GGA3: variants seen among roughly 807,000 people sequenced by gnomAD.
GGA3 encodes ADP-ribosylation factor-binding protein GGA3.
A neutral mutation model predicts 77.5 loss-of-function variants in GGA3; 57 were observed. That is an observed-to-expected ratio of 0.74 (90% CI 0.59 to 0.92). The LOEUF (loss-of-function observed/expected upper bound fraction) is 0.92, where lower values mean the gene tolerates loss of function less well. Among genes scored for constraint, GGA3 ranks in the 40% least tolerant of loss-of-function variants. The pLI, the probability that GGA3 is intolerant of heterozygous loss-of-function variation, is 0.00. For synonymous variants in GGA3, 416 were observed against 383.7 expected (o/e 1.08, Z -0.98); for missense variants, 970 against 914.9 (o/e 1.06, Z -0.78).
chr17:75,239,688 T>C, intron 13 of GGA3, 101 bp downstream of exon 13: 12 of 1,464,942 alleles, frequency 8.2e-6, no homozygotes, highest in Non-Finnish European at 1.1e-5. Context: ...CCAGCCTGAC[T>C]GATGGGACTA....
intron 2 of GGA3, 45 bp downstream of exon 2, chr17:75,246,667 C>T: frequency 6.3e-7 from 1 of 1,595,350 alleles, no homozygotes; most frequent in Non-Finnish European, 8.6e-7. Flanking sequence ...TGTTCCCCTT[C>T]CCAGTCCGCT....
At chr17:75,262,058 C>T (rs1598474845), upstream of GGA3, 1 of 1,535,754 alleles carries the variant, frequency 6.5e-7, no homozygotes, top group Non-Finnish European at 8.9e-7. Flanking sequence ...GCGTGGGCCC[C>T]TAGAGAGAGC....
chr17:75,252,810 TAAG>T (rs2077014358), intron 1 of GGA3, among the ~76,000 whole-genome samples: 1 of 152,190 alleles, frequency 6.6e-6, no homozygotes, highest in South Asian at 2.1e-4. Context: ...CCCCCACCCT[TAAG>T]AAGGTTCTTC....
At chr17:75,248,758 C>CT in intron 1 of GGA3, 5 of 740,806 alleles carry the variant, frequency 6.7e-6, no homozygotes, top group Non-Finnish European at 8.2e-6. Flanking sequence ...TGCACTCCAG[C>CT]CTGGGCAACA....
At position 75,236,750 on chromosome 17, in the gene GGA3, TTTCCACATAGTAA is replaced by T. The variant is rs1214392549; in HGVS notation, c.*1516_*1528del. 1 of 153,750 alleles carries T rather than the reference TTTCCACATAGTAA, an allele frequency of 6.5e-6. No individual in the cohort carries two copies. The highest frequency in any genetic ancestry group is 2.4e-5 in the African/African-American group (1 of 41,468). 9.5% of individuals were successfully genotyped at this position (153,750 alleles called of 1,614,324 possible). ...GTCTAGAGCATAACACAAAGTTCCA[TTTCCACATAGTAA>T]TTCCACAGACATTCCCAGGGCTGCA... On this transcript the variant is annotated 3_prime_UTR_variant, in exon 17 of 17. Transcript: ENST00000537686.
upstream of GGA3, chr17:75,261,618 A>G: frequency 6.5e-7 from 1 of 1,527,964 alleles, no homozygotes; most frequent in Middle Eastern, 1.7e-4. Context: ...CGGCTTCAAA[A>G]CTCGCGAGAG....
chr17:75,250,238 C>T (rs911689457), intron 1 of GGA3, among the ~76,000 whole-genome samples: 2 of 152,252 alleles, frequency 1.3e-5, no homozygotes, highest in African/African-American at 4.8e-5. Flanking sequence ...ATAGACCTTG[C>T]CTTCCCGAAC....
In GGA3 at chr17:75,242,493, C is replaced by T; in HGVS notation, c.610-20G>A. On this transcript the variant is annotated intron_variant, in intron 7 of 16. Transcript: ENST00000537686. ...CTCGTCCTGCCCCAGTGAAGAAGTT[C>T]AAGAGAAAGAGAGCGTCACTTGACT... is the stretch of plus-strand genomic sequence containing the variant. The T allele has an allele frequency of 1.2e-6, 2 of 1,614,082 alleles. No homozygotes were observed. Among genetic ancestry groups the T allele is most frequent in the South Asian group, 2.2e-5 (2 of 91,068 alleles).
chr17:75,261,828 T>C, upstream of GGA3: 6 of 1,507,600 alleles, frequency 4.0e-6, no homozygotes, highest in South Asian at 7.1e-5. Context: ...TGAGGAGTCT[T>C]TTTCACCCGT....
intron 1 of GGA3, among the ~76,000 whole-genome samples, chr17:75,250,555 G>T (rs1173074553): frequency 6.6e-6 from 1 of 151,274 alleles, no homozygotes; most frequent in African/African-American, 2.4e-5. Flanking sequence ...TTGAGGTCAG[G>T]AGTTCAAGAC....
At chr17:75,262,009 G>C (rs771350492), upstream of GGA3, 1 of 1,600,930 alleles carries the variant, frequency 6.2e-7, no homozygotes, top group African/African-American at 1.3e-5. Flanking sequence ...GCAGCGGCGG[G>C]GGGGCGCTGC....
intron 8 of GGA3, 68 bp downstream of exon 8, chr17:75,242,268 A>T: frequency 6.4e-7 from 1 of 1,559,444 alleles, no homozygotes; most frequent in Non-Finnish European, 8.8e-7. Flanking sequence ...CGTGCTCAGC[A>T]AATGCTGGCT....
At chr17:75,257,214 T>A (rs2077179702) in intron 1 of GGA3, among the ~76,000 whole-genome samples, 1 of 151,880 alleles carries the variant, frequency 6.6e-6, no homozygotes, top group Admixed American at 6.6e-5. Flanking sequence ...TTTAAGCTCC[T>A]GTATAGATGC....
upstream of GGA3, chr17:75,261,798 G>C: frequency 1.5e-6 from 2 of 1,311,204 alleles, no homozygotes; most frequent in South Asian, 2.7e-5. Context: ...TCAGTGGAGA[G>C]AAACGCAGAT....
At position 75,241,755 on chromosome 17, in the gene GGA3, C is replaced by G. The variant is rs369968692; in HGVS notation, c.748-59G>C. ...AAAGGCCCTTAGAGATCATCTGATT[C>G]ATTCAGGGTTCATGCCCAGAAAATG... On this transcript the variant is annotated intron_variant, in intron 8 of 16. Coordinates refer to ENST00000537686, the MANE Select transcript of GGA3 (RefSeq NM_138619.4). 70 of 1,413,412 alleles carry G rather than the reference C, an allele frequency of 5.0e-5. 1 individual carries two copies. The African/African-American group carries it at 9.0e-4, about 18-fold the overall frequency. 87.6% of individuals were successfully genotyped at this position (1,413,412 alleles called of 1,614,324 possible). A position where few individuals can be genotyped will look rare whatever the true frequency, so the allele number is the denominator to read the frequency against.
At chr17:75,250,217 G>C (rs541593602) in intron 1 of GGA3, among the ~76,000 whole-genome samples, 1 of 152,328 alleles carries the variant, frequency 6.6e-6, no homozygotes, top group South Asian at 2.1e-4. Flanking sequence ...GGTGACACCC[G>C]AGCTTCCCCT....
rs755187544 is a variant in GGA3 at position 75,240,400 on chromosome 17, G to A, written c.1205C>T (p.Pro402Leu). ...EELLCLGLAD[P>L]APNVPPKESA... ...CTCTTTGGGAGGAACATTAGGGGCT[G>A]GGTCGGCGAGGCCTGACAATAGAGA... The change falls in exon 12 of 17, where the codon CCA (proline) becomes CTA (leucine). Residue 402 changes from proline (P) to leucine (L), a missense_variant. Physicochemically the swap from Pro to Leu is moderately conservative, Grantham distance 98. Transcript: ENST00000537686. 4 of 1,595,730 alleles carry A rather than the reference G, an allele frequency of 2.5e-6. No homozygotes were observed. Among genetic ancestry groups the A allele is most frequent in the Middle Eastern group, 1.7e-4 (1 of 5,728 alleles).
Position 75,242,305 on chromosome 17 carries a change from G to A in GGA3, c.747+31C>T, listed in dbSNP as rs370781565. On this transcript the variant is annotated intron_variant, in intron 8 of 16. Transcript: ENST00000537686. ...AGCTCCTGAAGGGCAGCGCAGCCCC[G>A]GGAGGCAGCCTTTGCCGTCGGCGGT... 255 of 1,613,094 alleles carry A rather than the reference G, an allele frequency of 1.6e-4. No individual in the cohort carries two copies. In the African/African-American group the frequency reaches 2.5e-3, roughly 16 times the overall value.
chr17:75,262,341 G>A, upstream of GGA3: 3 of 823,008 alleles, frequency 3.6e-6, no homozygotes, highest in Non-Finnish European at 3.9e-6. Flanking sequence ...CCTCCTACTT[G>A]GGACAAGGGC....
Sources: allele counts gnomAD v4.1 joint callset (sites outside exome capture counted in the v4.1 genomes callset), GRCh38; gene constraint gnomAD v4.1.1; transcripts MANE v1.5; gene names NCBI Gene and HGNC (gene_info 2026-07-23, HGNC 2026-07-21).